The following PTPRT variants were observed in gnomAD, a reference collection of about 807,000 sequenced individuals.
The protein encoded by PTPRT is protein tyrosine phosphatase receptor type T, also known as receptor-type tyrosine-protein phosphatase T.
A neutral mutation model predicts 176.8 loss-of-function variants in PTPRT; 56 were observed. The ratio of observed to expected loss-of-function variants is 0.32; its 90% CI spans 0.26 to 0.40. PTPRT has a LOEUF of 0.40. PTPRT is among the 10% of genes least tolerant of loss of function. PTPRT has a pLI of 1.00. For missense variants in PTPRT, 1,540 were observed against 1,908.2 expected, an observed-to-expected ratio of 0.81 and a Z score of 3.60; for synonymous variants, 783 against 739.0, an observed-to-expected ratio of 1.06 and a Z score of -0.96.
intron 7 of PTPRT, among the ~76,000 whole-genome samples, chr20:42,648,271 A>G (rs1002119162): frequency 1.2e-4 from 18 of 152,164 alleles, no homozygotes; most frequent in African/African-American, 4.3e-4. Flanking sequence ...AACATGCTTC[A>G]TTAACAGCAA....
intron 1 of PTPRT, among the ~76,000 whole-genome samples, chr20:43,138,876 G>A (rs1241328634): frequency 6.6e-6 from 1 of 152,184 alleles, no homozygotes; most frequent in East Asian, 1.9e-4. Context: ...CAGAGCCTCT[G>A]TCACACTCAG....
chr20:42,971,040 C>T (rs1301661151), intron 1 of PTPRT: 2 of 152,202 alleles, frequency 1.3e-5, no homozygotes, highest in Admixed American at 6.5e-5. Context: ...AAGTGCTGTG[C>T]ACAATTTTTA....
chr20:43,008,106 G>T (rs117969421), intron 1 of PTPRT, among the ~76,000 whole-genome samples: 176 of 152,272 alleles, frequency 1.2e-3, no homozygotes, highest in Non-Finnish European at 2.2e-3. Context: ...AGTCTTCAAT[G>T]GACTAAATGT....
At chr20:42,150,753 G>A (rs1464414875) in intron 17 of PTPRT, among the ~76,000 whole-genome samples, 1 of 152,160 alleles carries the variant, frequency 6.6e-6, no homozygotes, top group Admixed American at 6.5e-5. Flanking sequence ...TGAAGGTTAT[G>A]GGTGGGGAAG....
At chr20:42,772,642 T>C (rs1214032353) in intron 4 of PTPRT, among the ~76,000 whole-genome samples, 2 of 152,150 alleles carry the variant, frequency 1.3e-5, no homozygotes, top group Non-Finnish European at 2.9e-5. Flanking sequence ...TGAGGCACAA[T>C]GAAGGATCTC....
intron 1 of PTPRT, among the ~76,000 whole-genome samples, chr20:43,052,758 A>G (rs994334461): frequency 6.6e-6 from 1 of 152,212 alleles, no homozygotes; most frequent in Non-Finnish European, 1.5e-5. Flanking sequence ...TCATCACCAC[A>G]AAAAGAAACC....
chr20:42,809,392 G>T (rs996507584), intron 2 of PTPRT, among the ~76,000 whole-genome samples: 2 of 152,156 alleles, frequency 1.3e-5, no homozygotes, highest in Non-Finnish European at 2.9e-5. Context: ...TCACTCACTG[G>T]CATTTGGGTG....
intron 1 of PTPRT, among the ~76,000 whole-genome samples, chr20:42,979,021 A>G (rs1404684576): frequency 2.0e-5 from 3 of 152,194 alleles, no homozygotes; most frequent in Non-Finnish European, 4.4e-5. Context: ...CACGAGATCA[A>G]AGAACCCTCT....
intron 7 of PTPRT, among the ~76,000 whole-genome samples, chr20:42,657,941 C>A (rs1461504489): frequency 1.4e-5 from 2 of 143,172 alleles, no homozygotes; most frequent in East Asian, 4.0e-4. Flanking sequence ...TTTTTTTTTA[C>A]CTTTTCTTAA....
chr20:42,777,181 A>T (rs994645705), intron 4 of PTPRT, among the ~76,000 whole-genome samples: 1 of 148,268 alleles, frequency 6.7e-6, no homozygotes, highest in Non-Finnish European at 1.5e-5. Context: ...CTCCAGCAGC[A>T]CTCCCTGCAG....
At chr20:42,404,447 A>T (rs1012575875) in intron 9 of PTPRT, among the ~76,000 whole-genome samples, 3 of 152,144 alleles carry the variant, frequency 2.0e-5, no homozygotes, top group African/African-American at 7.2e-5. Context: ...TCTGGTCATT[A>T]TTTCCATTTT....
Position 43,159,557 on chromosome 20 carries a change from T to G in PTPRT, c.88+30089A>C, listed in dbSNP as rs540361869. ...CCTGCCACATGGAATTTCAATTTCC[T>G]TTCTCCCTTTCTCTTCTCCTCATTA... On this transcript the variant is annotated intron_variant, in intron 1 of 30. Coordinates refer to ENST00000373187, the MANE Select transcript of PTPRT (RefSeq NM_007050.6). Among the ~76,000 whole-genome samples, 3 of 152,322 alleles carry G rather than the reference T, an allele frequency of 2.0e-5. No homozygotes were observed. In the South Asian group the frequency reaches 6.2e-4, roughly 32 times the overall value.
intron 1 of PTPRT, among the ~76,000 whole-genome samples, chr20:42,915,248 A>G (rs966941891): frequency 4.6e-5 from 7 of 152,224 alleles, no homozygotes; most frequent in Non-Finnish European, 1.0e-4. Context: ...AGCTTCCATT[A>G]AAGAGTATGT....
At chr20:42,825,941 G>A (rs958563757) in intron 2 of PTPRT, among the ~76,000 whole-genome samples, 5 of 151,994 alleles carry the variant, frequency 3.3e-5, no homozygotes, top group Non-Finnish European at 7.4e-5. Context: ...GGAACACCTA[G>A]GGCTGAAAAC....
At chr20:42,754,309 C>T (rs1316652778) in intron 6 of PTPRT, among the ~76,000 whole-genome samples, 1 of 152,212 alleles carries the variant, frequency 6.6e-6, no homozygotes, top group East Asian at 1.9e-4. Flanking sequence ...CCTCAACCTC[C>T]CGAGCAGCTG....
chr20:42,899,045 G>C (rs2079354175), intron 1 of PTPRT, among the ~76,000 whole-genome samples: 1 of 152,142 alleles, frequency 6.6e-6, no homozygotes, highest in South Asian at 2.1e-4. Flanking sequence ...CAAATTTAAA[G>C]AGAGAAGGGA....
chr20:42,519,453 G>A (rs931432573), intron 7 of PTPRT, among the ~76,000 whole-genome samples: 3 of 152,186 alleles, frequency 2.0e-5, no homozygotes, highest in East Asian at 3.9e-4. Context: ...CATAAACACT[G>A]CTTACACAAA....
chr20:42,298,343 C>G (rs963373472), intron 12 of PTPRT, among the ~76,000 whole-genome samples: 1 of 152,142 alleles, frequency 6.6e-6, no homozygotes, highest in Non-Finnish European at 1.5e-5. Context: ...TTAGACCACA[C>G]AAACTGTTTA....
At chr20:43,086,716 C>T (rs982465092) in intron 1 of PTPRT, among the ~76,000 whole-genome samples, 6 of 152,204 alleles carry the variant, frequency 3.9e-5, no homozygotes, top group African/African-American at 1.4e-4. Context: ...AGGACCACGA[C>T]TCTGTGTTGT....
Sources: allele counts gnomAD v4.1 joint callset (sites outside exome capture counted in the v4.1 genomes callset), GRCh38; gene constraint gnomAD v4.1.1; transcripts MANE v1.5; gene names NCBI Gene and HGNC (gene_info 2026-07-23, HGNC 2026-07-21).